Variants in SLC2A13 observed in about 807,000 individuals in gnomAD.
SLC2A13 encodes the protein proton myo-inositol cotransporter.
Under a neutral mutation model 64.4 loss-of-function variants are expected in SLC2A13, and 32 were observed. The ratio of observed to expected loss-of-function variants is 0.50; its 90% CI spans 0.37 to 0.67. The LOEUF is 0.67. SLC2A13 is among the 30% of genes least tolerant of loss of function. The probability of loss-of-function intolerance (pLI) is 0.00; values close to 1 mark genes in which losing one functional copy is unlikely to be tolerated. For missense variants in SLC2A13, 743 were observed against 829.2 expected (o/e 0.90, Z 1.28); for synonymous variants, 338 against 327.1 (o/e 1.03, Z -0.36).
At chr12:39,798,858 T>C (rs1177316133) in intron 7 of SLC2A13, among the ~76,000 whole-genome samples, 1 of 151,894 alleles carries the variant, frequency 6.6e-6, no homozygotes, top group Non-Finnish European at 1.5e-5. Context: ...GTTAATGCAC[T>C]ATTATGTATT....
intron 4 of SLC2A13, among the ~76,000 whole-genome samples, chr12:39,937,400 T>C (rs1945935276): frequency 6.6e-6 from 1 of 152,154 alleles, no homozygotes; most frequent in Non-Finnish European, 1.5e-5. Flanking sequence ...AATGTTACAA[T>C]AGTCTACCCG....
At chr12:39,853,662 T>C (rs556936712) in intron 6 of SLC2A13, among the ~76,000 whole-genome samples, 12 of 151,916 alleles carry the variant, frequency 7.9e-5, no homozygotes, top group African/African-American at 2.9e-4. Flanking sequence ...TTAGTCAGAC[T>C]GCTACAGCCT....
At chr12:39,856,076 G>C (rs1334153020) in intron 6 of SLC2A13, among the ~76,000 whole-genome samples, 1 of 152,108 alleles carries the variant, frequency 6.6e-6, no homozygotes, top group African/African-American at 2.4e-5. Context: ...ACAAAGGCTT[G>C]GATGCTTCCT....
intron 7 of SLC2A13, among the ~76,000 whole-genome samples, chr12:39,825,772 T>C (rs891839235): frequency 6.6e-6 from 1 of 152,188 alleles, no homozygotes; most frequent in Non-Finnish European, 1.5e-5. Flanking sequence ...CTTTTATTTT[T>C]TGATCCTTCC....
chr12:39,872,080 T>G, intron 4 of SLC2A13, 119 bp from the exon 5 acceptor site: 3 of 733,046 alleles, frequency 4.1e-6, no homozygotes, highest in Non-Finnish European at 6.0e-6. Context: ...AGTAATAACA[T>G]CAAATTAACG....
At chr12:39,856,742 C>T (rs979696026) in intron 6 of SLC2A13, among the ~76,000 whole-genome samples, 6 of 152,166 alleles carry the variant, frequency 3.9e-5, no homozygotes, top group African/African-American at 1.2e-4. Flanking sequence ...ACAAGGAACA[C>T]GTAGCAAGGT....
intron 4 of SLC2A13, among the ~76,000 whole-genome samples, chr12:39,911,946 C>T (rs1945439243): frequency 6.6e-6 from 1 of 151,996 alleles, no homozygotes; most frequent in Non-Finnish European, 1.5e-5. Flanking sequence ...GCTCCCTGAG[C>T]TTGCTTCTTC....
intron 1 of SLC2A13, among the ~76,000 whole-genome samples, chr12:40,068,080 G>A (rs750679985): frequency 1.4e-4 from 21 of 151,842 alleles, no homozygotes; most frequent in Admixed American, 5.3e-4. Context: ...TTTATTTTTC[G>A]TTTTATTTTT....
chr12:39,774,721 A>G (rs889419564), intron 7 of SLC2A13, among the ~76,000 whole-genome samples: 1 of 152,036 alleles, frequency 6.6e-6, no homozygotes, highest in African/African-American at 2.4e-5. Context: ...AATCATAGAT[A>G]TGGGTAAATT....
At chr12:39,998,466 A>C (rs1301416539) in intron 3 of SLC2A13, among the ~76,000 whole-genome samples, 1 of 152,232 alleles carries the variant, frequency 6.6e-6, no homozygotes, top group African/African-American at 2.4e-5. Flanking sequence ...CACCTTTTGC[A>C]TCAGCATGAC....
At chr12:39,818,259 T>C (rs1464189833) in intron 7 of SLC2A13, among the ~76,000 whole-genome samples, 1 of 152,088 alleles carries the variant, frequency 6.6e-6, no homozygotes, top group African/African-American at 2.4e-5. Flanking sequence ...TTTTGAAACT[T>C]TTCTGTGAAG....
chr12:39,900,858 C>G (rs1406494213), intron 4 of SLC2A13, among the ~76,000 whole-genome samples: 1 of 152,090 alleles, frequency 6.6e-6, no homozygotes, highest in Non-Finnish European at 1.5e-5. Flanking sequence ...CATATGCAAC[C>G]AAAAAAGATC....
intron 6 of SLC2A13, among the ~76,000 whole-genome samples, chr12:39,842,616 A>AC (rs2135877190): frequency 6.6e-6 from 1 of 152,066 alleles, no homozygotes; most frequent in South Asian, 2.1e-4. Flanking sequence ...ATTTTTAAAA[A>AC]TTTTTTACTG....
intron 1 of SLC2A13, among the ~76,000 whole-genome samples, chr12:40,078,937 T>C (rs901592745): frequency 6.6e-6 from 1 of 152,196 alleles, no homozygotes; most frequent in Admixed American, 6.5e-5. Flanking sequence ...TTCGTAATAG[T>C]TTCTGAGGGT....
chr12:39,955,938 A>G (rs1946307559), intron 3 of SLC2A13, among the ~76,000 whole-genome samples: 1 of 152,192 alleles, frequency 6.6e-6, no homozygotes, highest in African/African-American at 2.4e-5. Flanking sequence ...ATAAATGTCT[A>G]CTGCGTTAAG....
At chr12:39,891,793 G>A (rs1043049849) in intron 4 of SLC2A13, among the ~76,000 whole-genome samples, 2 of 152,110 alleles carry the variant, frequency 1.3e-5, no homozygotes, top group African/African-American at 2.4e-5. Context: ...ATCTAAACAG[G>A]CTCAACATTT....
chr12:40,004,798 T>C (rs948224542), intron 3 of SLC2A13, among the ~76,000 whole-genome samples: 1 of 152,202 alleles, frequency 6.6e-6, no homozygotes, highest in Admixed American at 6.5e-5. Flanking sequence ...TTAAGTCATA[T>C]GTACTATATA....
At chr12:40,016,614 C>T (rs192875631) in intron 3 of SLC2A13, among the ~76,000 whole-genome samples, 9 of 152,198 alleles carry the variant, frequency 5.9e-5, no homozygotes, top group Non-Finnish European at 7.4e-5. Context: ...AGAGAAATTC[C>T]ATCACATCTT....
intron 4 of SLC2A13, among the ~76,000 whole-genome samples, chr12:39,939,369 G>A (rs1403640144): frequency 2.0e-5 from 3 of 152,200 alleles, no homozygotes; most frequent in African/African-American, 7.2e-5. Flanking sequence ...CTCCTCTGAT[G>A]AGAATGCTTT....
Sources: allele counts gnomAD v4.1 joint callset (sites outside exome capture counted in the v4.1 genomes callset), GRCh38; gene constraint gnomAD v4.1.1; transcripts MANE v1.5; gene names NCBI Gene and HGNC (gene_info 2026-07-23, HGNC 2026-07-21).